The following NSUN6 variants were observed in gnomAD, a reference collection of about 807,000 sequenced individuals.
The protein encoded by NSUN6 is tRNA (cytosine(72)-C(5))-methyltransferase NSUN6.
NSUN6 carries 64 observed loss-of-function variants against 58.0 expected under a neutral mutation model. The observed-to-expected ratio is 1.10, with a 90% CI of 0.90 to 1.36. The LOEUF (loss-of-function observed/expected upper bound fraction) is 1.36, where lower values mean the gene tolerates loss of function less well. NSUN6 is among the 40% of genes most tolerant of loss of function. NSUN6 has a pLI of 0.00. For missense variants in NSUN6, 701 were observed against 550.1 expected (o/e 1.27, Z -2.74); for synonymous variants, 231 against 193.9 (o/e 1.19, Z -1.59).
chr10:18,606,196 A>G lies in NSUN6; in HGVS notation c.657+3649T>C, dbSNP rs146740572. ...CACAATACACTTAAAAGTGCAAAAT[A>G]CACAAACAGCAGATTCCTGTAGGCC... On this transcript the variant is annotated intron_variant, in intron 6 of 10. Coordinates refer to ENST00000377304, the MANE Select transcript of NSUN6 (RefSeq NM_182543.5). Among the ~76,000 whole-genome samples the G allele has an allele frequency of 3.1e-3, 476 of 152,260 alleles. 1 individual carries two copies. The highest frequency in any genetic ancestry group is 6.8e-3 in the Middle Eastern group (2 of 294).
upstream of NSUN6, among the ~76,000 whole-genome samples, chr10:18,657,982 GAA>G (rs35623248): frequency 4.2e-3 from 596 of 141,118 alleles, 5 homozygotes; most frequent in African/African-American, 0.013. Context: ...CCGAAAGCCA[GAA>G]AAAAAAAAAA....
At chr10:18,606,020 A>G (rs567225988) in intron 6 of NSUN6, among the ~76,000 whole-genome samples, 67 of 152,216 alleles carry the variant, frequency 4.4e-4, no homozygotes, top group Middle Eastern at 3.4e-3. Context: ...ATGATGGGGG[A>G]AAAAAAGAAA....
At chr10:18,622,326 C>T (rs2058638680) in intron 3 of NSUN6, among the ~76,000 whole-genome samples, 2 of 152,108 alleles carry the variant, frequency 1.3e-5, no homozygotes, top group Admixed American at 1.3e-4. Context: ...TCACCAGAAC[C>T]CAAGCATACT....
intron 6 of NSUN6, among the ~76,000 whole-genome samples, chr10:18,606,392 G>A (rs200446329): frequency 7.3e-5 from 11 of 151,688 alleles, no homozygotes; most frequent in East Asian, 1.9e-4. Context: ...AGGCAAGATA[G>A]TTATCGCAGG....
At chr10:18,627,500 C>G (rs951094792) in intron 3 of NSUN6, among the ~76,000 whole-genome samples, 1 of 152,130 alleles carries the variant, frequency 6.6e-6, no homozygotes, top group Non-Finnish European at 1.5e-5. Context: ...TCTGAGGTAC[C>G]GGGTTCATCT....
At chr10:18,629,051 G>A (rs1036668254) in intron 3 of NSUN6, among the ~76,000 whole-genome samples, 2 of 152,166 alleles carry the variant, frequency 1.3e-5, no homozygotes, top group African/African-American at 4.8e-5. Flanking sequence ...CTAACAGCAG[G>A]TCTCTTGGCA....
At chr10:18,655,250 C>T (rs1201563149), upstream of NSUN6, 12 of 543,422 alleles carry the variant, frequency 2.2e-5, no homozygotes, top group Non-Finnish European at 2.8e-5. Flanking sequence ...TAGCAGGGTT[C>T]CTGGGCAATC....
intron 3 of NSUN6, among the ~76,000 whole-genome samples, chr10:18,623,418 T>C (rs911127902): frequency 5.9e-5 from 9 of 152,182 alleles, no homozygotes; most frequent in Non-Finnish European, 1.0e-4. Context: ...ATAATTGCGA[T>C]GATGAGAAAA....
intron 6 of NSUN6, 27 bp downstream of exon 6, chr10:18,609,818 A>G (rs2058169310): frequency 8.4e-7 from 1 of 1,188,892 alleles, no homozygotes; most frequent in Non-Finnish European, 1.3e-6. Context: ...CAATGTCACT[A>G]AATATTTTAC....
intron 1 of NSUN6, among the ~76,000 whole-genome samples, chr10:18,650,111 C>T (rs373553853): frequency 6.6e-6 from 1 of 152,272 alleles, no homozygotes; most frequent in East Asian, 1.9e-4. Context: ...TCAACATTTA[C>T]TGAGGACTTC....
At chr10:18,618,669 C>G (rs1215552759) in intron 3 of NSUN6, among the ~76,000 whole-genome samples, 1 of 89,950 alleles carries the variant, frequency 1.1e-5, no homozygotes, top group Non-Finnish European at 2.2e-5. Flanking sequence ...GCAATAAGAG[C>G]AAAACTCCAT....
At position 18,563,715 on chromosome 10, in the gene NSUN6, C is replaced by T. The variant is rs925950909; in HGVS notation, c.923-11744G>A. ...TCTCTATTTCATTCCATTCTTCATTCCACTCCGTTCCATTCTCCATTCCAT... is the reference window on the plus strand; with the variant it reads ...TCTCTATTTCATTCCATTCTTCATTTCACTCCGTTCCATTCTCCATTCCAT... On this transcript the variant is annotated intron_variant, in intron 8 of 10. Coordinates refer to ENST00000377304, the MANE Select transcript of NSUN6 (RefSeq NM_182543.5). 2.0e-5 allele frequency among the ~76,000 whole-genome samples: 3 copies of T among 151,098 alleles called. No individual in the cohort carries two copies. In the Admixed American group the frequency reaches 2.0e-4, roughly 10 times the overall value.
At chr10:18,587,148 C>T (rs1273829704) in intron 7 of NSUN6, among the ~76,000 whole-genome samples, 3 of 152,126 alleles carry the variant, frequency 2.0e-5, no homozygotes, top group South Asian at 2.1e-4. Context: ...TTGCAATCTT[C>T]GAAAGACACT....
chr10:18,597,065 A>G (rs933862667), intron 6 of NSUN6, among the ~76,000 whole-genome samples: 3 of 152,098 alleles, frequency 2.0e-5, no homozygotes, highest in Non-Finnish European at 4.4e-5. Context: ...ACAAACAAAC[A>G]ACGACAACAA....
At chr10:18,645,115 G>A (rs545662011) in intron 2 of NSUN6, among the ~76,000 whole-genome samples, 30 of 142,522 alleles carry the variant, frequency 2.1e-4, no homozygotes, top group Admixed American at 5.9e-4. Context: ...CTGAGATCGC[G>A]CCATTGCACT....
At chr10:18,643,277 C>T (rs1013860870) in intron 2 of NSUN6, among the ~76,000 whole-genome samples, 1 of 151,036 alleles carries the variant, frequency 6.6e-6, no homozygotes, top group African/African-American at 2.4e-5. Context: ...AATTGGACAC[C>T]CTACACAGAA....
At chr10:18,651,610 A>G, upstream of NSUN6, 2 of 986,580 alleles carry the variant, frequency 2.0e-6, no homozygotes, top group South Asian at 4.7e-5. Context: ...CGCGCCCCCT[A>G]TTTCTCGGCG....
upstream of NSUN6, chr10:18,655,009 A>C (rs1335768887): frequency 2.2e-6 from 2 of 917,730 alleles, no homozygotes; most frequent in Non-Finnish European, 2.6e-6. Context: ...TCTAGAAATA[A>C]TACTATATAC....
intron 6 of NSUN6, among the ~76,000 whole-genome samples, chr10:18,599,810 T>C (rs2057734928): frequency 6.6e-6 from 1 of 152,240 alleles, no homozygotes; most frequent in African/African-American, 2.4e-5. Context: ...ACCATTTTTT[T>C]CTTCCAGTGA....
Sources: gnomAD v4.1 joint callset for allele counts (sites outside exome capture counted in the v4.1 genomes callset) on GRCh38, gnomAD v4.1.1 for gene constraint, MANE v1.5 for transcripts, NCBI Gene and HGNC (gene_info 2026-07-23, HGNC 2026-07-21) for gene names.